The following GZF1 variants were observed in gnomAD, a reference collection of about 807,000 sequenced individuals.
The protein encoded by GZF1 is GDNF-inducible zinc finger protein 1.
In GZF1, 28 loss-of-function variants were observed where a neutral mutation model predicts 49.4. That is an observed-to-expected ratio of 0.57 (90% CI 0.42 to 0.78). GZF1 has a LOEUF of 0.78. Ranked by LOEUF, GZF1 falls within the 30% of genes least tolerant of loss-of-function variation. GZF1 has a pLI of 0.00. For missense variants in GZF1, 798 were observed against 916.2 expected, an observed-to-expected ratio of 0.87 and a Z score of 1.67; for synonymous variants, 364 against 356.0, an observed-to-expected ratio of 1.02 and a Z score of -0.25.
rs6048766 is a variant in GZF1 at position 23,370,304 on chromosome 20, G to A, written c.1999G>A (p.Asp667Asn). Residue 667 changes from aspartate to asparagine, a missense_variant, in exon 6 of 6, where the codon GAC (aspartate) becomes AAC (asparagine). Transcript: ENST00000338121. ...TACCATGCAGGAGAACAGTTCTGCT[G>A]ACACAGCCTGCAAGGCAGATGACTC... is the stretch of plus-strand genomic sequence containing the variant. ...VPTMQENSSA[D>N]TACKADDSVV... 1.2e-3 allele frequency: 1,975 copies of A among 1,614,150 alleles called. 18 individuals are homozygous for A. The African/African-American group carries it at 0.022, about 18-fold the overall frequency.
At chr20:23,361,801 C>T (rs1237902583), upstream of GZF1, among the ~76,000 whole-genome samples, 1 of 152,218 alleles carries the variant, frequency 6.6e-6, no homozygotes, top group Non-Finnish European at 1.5e-5. Context: ...GCTGCTGGGG[C>T]CCGGAAGCGC....
rs774863335 is a variant in GZF1 at position 23,367,044 on chromosome 20, G to A, written c.1406G>A (p.Gly469Asp). ...AAACCTTTTGTCTGTGATGAATGTG[G>A]TGCAAGATTCACTCAGAACCACATG... The part of the protein sequence containing the change: ...GEKPFVCDEC[G>D]ARFTQNHMLI... Residue 469 changes from glycine to aspartate, a missense_variant, in exon 3 of 6, where the codon GGT (glycine) becomes GAT (aspartate). By Grantham distance (94) the Gly-to-Asp change is moderately conservative. Transcript: ENST00000338121. 8.3e-5 allele frequency: 134 copies of A among 1,613,222 alleles called. No homozygotes were observed. The highest frequency in any genetic ancestry group is 1.1e-4 in the Non-Finnish European group (130 of 1,179,712).
At position 23,372,668 on chromosome 20, in the gene GZF1, TC is replaced by T. The variant is rs1371890944; in HGVS notation, c.*2229del. Reference sequence around the variant, plus strand: ...GGAGCATCTGCCCCATTCCTCCAAGTCCAAGCACAGCCATGCTGAGTGGAAG... The same window carrying T: ...GGAGCATCTGCCCCATTCCTCCAAGTCAAGCACAGCCATGCTGAGTGGAAG... On this transcript the variant is annotated 3_prime_UTR_variant, in exon 6 of 6. Transcript: ENST00000338121. 1 of 152,256 alleles carries T rather than the reference TC, an allele frequency of 6.6e-6. No homozygotes were observed. The highest frequency in any genetic ancestry group is 1.5e-5 in the Non-Finnish European group (1 of 68,098). 9.4% of individuals were successfully genotyped at this position (152,256 alleles called of 1,614,324 possible). A position where few individuals can be genotyped will look rare whatever the true frequency, so the allele number is the denominator to read the frequency against.
At chr20:23,364,339 A>G (rs772908144) in intron 1 of GZF1, 24 bp from the exon 2 acceptor site, 4 of 1,422,938 alleles carry the variant, frequency 2.8e-6, no homozygotes, top group South Asian at 2.7e-5. Flanking sequence ...TTGCTCATGC[A>G]TAATTCTTGT....
intron 5 of GZF1, 67 bp downstream of exon 5, chr20:23,369,808 C>T: frequency 9.3e-6 from 14 of 1,507,220 alleles, no homozygotes; most frequent in Non-Finnish European, 1.3e-5. Flanking sequence ...AGAGAAATAC[C>T]TACCACCATT....
At position 23,365,724 on chromosome 20, in the gene GZF1, G is replaced by C. The variant is rs532203811; in HGVS notation, c.1341G>C (p.Pro447=). The C allele has an allele frequency of 2.4e-5, 37 of 1,548,554 alleles. No homozygotes were observed. In the African/African-American group the frequency reaches 4.9e-4, roughly 20 times the overall value. Residue 447 remains proline (P), a synonymous_variant, in exon 2 of 6, where the codon CCG becomes CCC. Transcript: ENST00000338121. ...AGTGCGGCGCCAGGTTCTCGCAGCCGTCCGCGCTCAAGACGCACATGAGGT... is the reference window on the plus strand; with the variant it reads ...AGTGCGGCGCCAGGTTCTCGCAGCCCTCCGCGCTCAAGACGCACATGAGGT... ...CTECGARFSQ[P]SALKTHMRIH...
In GZF1 at chr20:23,365,671, A is replaced by T; in HGVS notation, c.1288A>T (p.Thr430Ser). The T allele has an allele frequency of 1.3e-6, 2 of 1,597,104 alleles. No homozygotes were observed. The highest frequency in any genetic ancestry group is 1.7e-6 in the Non-Finnish European group (2 of 1,176,920). Residue 430 changes from threonine (T) to serine (S), a missense_variant, in exon 2 of 6, where the codon ACG becomes TCG. Thr to Ser is a moderately conservative substitution (Grantham distance 58). Coordinates refer to ENST00000338121, the MANE Select transcript of GZF1 (RefSeq NM_022482.5). ...TALRLHERTH[T>S]GDRPYGCTEC... is the part of the protein sequence containing the mutation. Reference sequence around the variant, plus strand: ...GCTGCGGCTGCACGAGCGCACACACACGGGAGACCGGCCCTACGGCTGCAC... The same window carrying T: ...GCTGCGGCTGCACGAGCGCACACACTCGGGAGACCGGCCCTACGGCTGCAC...
At position 23,371,579 on chromosome 20, in the gene GZF1, T is replaced by G. The variant is rs1388132990; in HGVS notation, c.*1138T>G. On this transcript the variant is annotated 3_prime_UTR_variant, in exon 6 of 6. Transcript: ENST00000338121. ...CTTCTTTGGCTGTTTCATGCAGGACTTAATTATTGCTTTTAAAAATTCACA... is the reference window on the plus strand; with the variant it reads ...CTTCTTTGGCTGTTTCATGCAGGACGTAATTATTGCTTTTAAAAATTCACA... The G allele has an allele frequency of 1.3e-5, 2 of 152,688 alleles. No homozygotes were observed. Among genetic ancestry groups the G allele is most frequent in the Non-Finnish European group, 2.9e-5 (2 of 68,048 alleles). 9.5% of individuals were successfully genotyped at this position (152,688 alleles called of 1,614,324 possible).
At chr20:23,362,442 GC>G (rs1397121720) in intron 1 of GZF1, 1 of 152,462 alleles carries the variant, frequency 6.6e-6, no homozygotes, top group Non-Finnish European at 1.5e-5. Flanking sequence ...CTTCTCTGTG[GC>G]TGCAGTAGTT....
In GZF1 at chr20:23,364,552, A is replaced by G; in HGVS notation, c.169A>G (p.Ser57Gly). Reference sequence around the variant, plus strand: ...CCACAAGGCAGTGCTGGCTGCCACCAGCAAGTTTTTTAAGGAAGTGTTCCT... The same window carrying G: ...CCACAAGGCAGTGCTGGCTGCCACCGGCAAGTTTTTTAAGGAAGTGTTCCT... ...MAHKAVLAAT[S>G]KFFKEVFLNE... The change falls in exon 2 of 6, where the codon AGC becomes GGC. Residue 57 changes from serine to glycine, a missense_variant. Physicochemically the swap from Ser to Gly is moderately conservative, Grantham distance 56. Around this residue, in one of 3 missense-constraint regions of GZF1, gnomAD observed 105 missense variants for 147.5 expected, o/e 0.71. Coordinates refer to ENST00000338121, the MANE Select transcript of GZF1 (RefSeq NM_022482.5). 1 of 1,614,248 alleles carries G rather than the reference A, an allele frequency of 6.2e-7. No homozygotes were observed. Among genetic ancestry groups the G allele is most frequent in the Non-Finnish European group, 8.5e-7 (1 of 1,180,046 alleles).
In GZF1 at chr20:23,365,230, C is replaced by G; in HGVS notation, c.847C>G (p.Gln283Glu). Residue 283 changes from glutamine (Q) to glutamate (E), a missense_variant, in exon 2 of 6, where the codon CAG becomes GAG. Around this residue, in one of 3 missense-constraint regions of GZF1, gnomAD observed 247 missense variants for 228.5 expected, o/e 1.08. Coordinates refer to ENST00000338121, the MANE Select transcript of GZF1 (RefSeq NM_022482.5). ...MEQVSKNEGC[Q>E]AGAELEELSK... ...GCAGGTTTCCAAAAATGAGGGTTGC[C>G]AGGCAGGTGCTGAGTTGGAGGAATT... The G allele has an allele frequency of 1.9e-6, 3 of 1,602,742 alleles. No homozygotes were observed. Among genetic ancestry groups the G allele is most frequent in the Non-Finnish European group, 2.6e-6 (3 of 1,173,886 alleles).
At position 23,367,425 on chromosome 20, in the gene GZF1, T is replaced by A. The variant is rs75788729; in HGVS notation, c.1459+328T>A. Among the ~76,000 whole-genome samples, 1,006 of 152,324 alleles carry A rather than the reference T, an allele frequency of 6.6e-3. 7 individuals carry two copies. Among genetic ancestry groups the A allele is most frequent in the Middle Eastern group, 0.041 (12 of 292 alleles). ...ATTGTCCAACATATGGGAAGAGCTG[T>A]ATGCTATTATCCCCCTTCTTGCTAT... On this transcript the variant is annotated intron_variant, in intron 3 of 5. Transcript: ENST00000338121.
At position 23,365,586 on chromosome 20, in the gene GZF1, G is replaced by A; in HGVS notation, c.1203G>A (p.Glu401=). 1 of 1,609,990 alleles carries A rather than the reference G, an allele frequency of 6.2e-7. No individual in the cohort carries two copies. The highest frequency in any genetic ancestry group is 8.5e-7 in the Non-Finnish European group (1 of 1,179,568). The change falls in exon 2 of 6, where the codon GAG becomes GAA. Residue 401 remains glutamate (E), a synonymous_variant. Coordinates refer to ENST00000338121, the MANE Select transcript of GZF1 (RefSeq NM_022482.5). ...AGCGGCACGTGCTGCAGGTGCATGA[G>A]GGCGGCGGCGAGCGGCACCGCTGCG... is the stretch of plus-strand genomic sequence containing the variant. The part of the protein sequence containing the change: ...DVKRHVLQVH[E]GGGERHRCGQ...
chr20:23,361,977 T>A (rs1327875200), upstream of GZF1, among the ~76,000 whole-genome samples: 1 of 152,118 alleles, frequency 6.6e-6, no homozygotes, highest in Non-Finnish European at 1.5e-5. Flanking sequence ...GGTGACGCAA[T>A]GCGGCGGGTG....
Position 23,370,212 on chromosome 20 carries a change from A to C in GZF1, c.1907A>C (p.Asp636Ala). 1 of 1,614,184 alleles carries C rather than the reference A, an allele frequency of 6.2e-7. No individual in the cohort carries two copies. The highest frequency in any genetic ancestry group is 1.3e-5 in the African/African-American group (1 of 75,040). Residue 636 changes from aspartate (D) to alanine (A), a missense_variant, in exon 6 of 6, where the codon GAT (aspartate) becomes GCT (alanine). Asp to Ala is a moderately radical substitution (Grantham distance 126). This residue lies in a region of GZF1 where 446 missense variants were observed against 540.1 expected (regional missense o/e 0.83). Coordinates refer to ENST00000338121, the MANE Select transcript of GZF1 (RefSeq NM_022482.5). ...DEEYVSSKLSDKLLSFAENGH... is the reference protein window; with the variant it reads ...DEEYVSSKLSAKLLSFAENGH... ...GAGTATGTGTCATCCAAGCTTTCGG[A>C]TAAATTGCTGTCTTTTGCAGAAAAT...
chr20:23,366,631 T>C (rs556437114), intron 2 of GZF1, among the ~76,000 whole-genome samples: 9 of 152,222 alleles, frequency 5.9e-5, no homozygotes, highest in Non-Finnish European at 1.0e-4. Context: ...CAGTAGTTCC[T>C]AAGGTGTTTG....
Position 23,365,431 on chromosome 20 carries a change from T to G in GZF1, c.1048T>G (p.Cys350Gly). 6.2e-7 allele frequency: 1 copy of G among 1,613,692 alleles called. No individual in the cohort carries two copies. Among genetic ancestry groups the G allele is most frequent in the Non-Finnish European group, 8.5e-7 (1 of 1,180,038 alleles). The change falls in exon 2 of 6, where the codon TGC (cysteine) becomes GGC (glycine). Residue 350 changes from cysteine (C) to glycine (G), a missense_variant. Around this residue, in one of 3 missense-constraint regions of GZF1, gnomAD observed 446 missense variants for 540.1 expected, o/e 0.83. Coordinates refer to ENST00000338121, the MANE Select transcript of GZF1 (RefSeq NM_022482.5). ...HGVATEVVYR[C>G]DTCGQTFANR... ...CGTGGCCACCGAGGTGGTGTACCGC[T>G]GCGACACCTGCGGCCAGACCTTCGC...
At chr20:23,363,949 T>A (rs1213143424) in intron 1 of GZF1, among the ~76,000 whole-genome samples, 2 of 152,218 alleles carry the variant, frequency 1.3e-5, no homozygotes, top group Non-Finnish European at 2.9e-5. Flanking sequence ...TGCTCCCAGA[T>A]GGTGGTGGCT....
intron 4 of GZF1, 99 bp downstream of exon 4, chr20:23,369,028 T>G (rs1269032965): frequency 9.5e-7 from 1 of 1,056,024 alleles, no homozygotes; most frequent in South Asian, 1.8e-5. Flanking sequence ...ACTAAGCTTT[T>G]GAAGAAAACT....
Sources: gnomAD v4.1 joint callset for allele counts (sites outside exome capture counted in the v4.1 genomes callset) on GRCh38, gnomAD v4.1.1 for gene constraint, gnomAD v4.1.1 regional missense constraint, MANE v1.5 for transcripts, NCBI Gene and HGNC (gene_info 2026-07-23, HGNC 2026-07-21) for gene names.